Variants in RCC1 observed in about 807,000 individuals in gnomAD.
RCC1 encodes regulator of chromosome condensation 1.
A neutral mutation model predicts 44.4 loss-of-function variants in RCC1; 11 were observed. The ratio of observed to expected loss-of-function variants is 0.25; its 90% confidence interval spans 0.16 to 0.41. RCC1 has a LOEUF of 0.41. RCC1 is among the 10% of genes least tolerant of loss of function. RCC1 has a pLI of 1.00. For missense variants in RCC1, 386 were observed against 547.1 expected, an observed-to-expected ratio of 0.71 and a Z score of 2.94; for synonymous variants, 213 against 216.5, an observed-to-expected ratio of 0.98 and a Z score of 0.14.
chr1:28,517,503 CTG>C (rs1166171677), intron 4 of RCC1, among the ~76,000 whole-genome samples: 2 of 152,170 alleles, frequency 1.3e-5, no homozygotes, highest in Admixed American at 1.3e-4. Flanking sequence ...AAGAAGATGA[CTG>C]GGTGTTCACA....
At chr1:28,523,105 C>A (rs187174144) in intron 4 of RCC1, among the ~76,000 whole-genome samples, 2 of 143,666 alleles carry the variant, frequency 1.4e-5, no homozygotes, top group African/African-American at 5.2e-5. Context: ...GATCTCGACT[C>A]ACTGCAAGCT....
Position 28,536,901 on chromosome 1 carries a change from TGA to T in RCC1, c.1090+4_1090+5del, listed in dbSNP as rs757867844. ...TGGGGTATGCTGTGACCAAGGATGG[TGA>T]GTGGGGCTGCCTACACTCTGTCTAG... On this transcript the variant is annotated splice_donor_region_variant and intron_variant, in intron 12 of 12. Transcript: ENST00000683442. The surrounding 1 kb of genome is among the most constrained non-coding windows in gnomAD (Gnocchi z 4.9). 1 of 1,613,772 alleles carries T rather than the reference TGA, an allele frequency of 6.2e-7. No individual in the cohort carries two copies. Among genetic ancestry groups the T allele is most frequent in the South Asian group, 1.1e-5 (1 of 91,070 alleles).
At chr1:28,534,470 G>A (rs1664418225) in intron 7 of RCC1, among the ~76,000 whole-genome samples, 1 of 151,756 alleles carries the variant, frequency 6.6e-6, no homozygotes, top group South Asian at 2.1e-4. Flanking sequence ...ATGAGCCACC[G>A]CGCCCGGCCT....
chr1:28,523,501 AAC>A (rs1453452128), intron 4 of RCC1, among the ~76,000 whole-genome samples: 1 of 152,130 alleles, frequency 6.6e-6, no homozygotes, highest in African/African-American at 2.4e-5. Flanking sequence ...ATATTAGCCA[AAC>A]ACAACTAAGG....
intron 3 of RCC1, chr1:28,510,843 CCTG>C (rs1359319760): frequency 2.6e-5 from 4 of 152,374 alleles, no homozygotes; most frequent in African/African-American, 9.6e-5. Context: ...CCATCCGTGT[CCTG>C]CTGTAACTAC....
chr1:28,523,222 G>A (rs1317992398), intron 4 of RCC1, among the ~76,000 whole-genome samples: 1 of 151,652 alleles, frequency 6.6e-6, no homozygotes, highest in African/African-American at 2.4e-5. Flanking sequence ...TAGTAGAGAC[G>A]GGGTTTCACC....
Position 28,536,199 on chromosome 1 carries a change from G to A in RCC1, c.818-63G>A. The A allele has an allele frequency of 6.3e-7, 1 of 1,591,786 alleles. No homozygotes were observed. The highest frequency in any genetic ancestry group is 8.6e-7 in the Non-Finnish European group (1 of 1,169,294). ...GATGGGAGGTGGCCTCACTGTGGGAGGAGATTGAGAAGGGCAGCTCTCAGA... is the reference window on the plus strand; with the variant it reads ...GATGGGAGGTGGCCTCACTGTGGGAAGAGATTGAGAAGGGCAGCTCTCAGA... On this transcript the variant is annotated intron_variant, in intron 10 of 12. Transcript: ENST00000683442. The surrounding 1 kb of genome is among the most constrained non-coding windows in gnomAD (Gnocchi z 4.9).
In RCC1 at chr1:28,533,825, T is replaced by TTTTTC. The variant is rs1557879700; in HGVS notation, c.442-1205_442-1201dup. The stretch of plus-strand genomic sequence containing the variant: ...GTAATCAGAATATCAGAATTATATT[T>TTTTTC]TTTTCTTTTCTTTTCTTTTCTTTTT... On this transcript the variant is annotated intron_variant, in intron 7 of 12. Transcript: ENST00000683442. Among the ~76,000 whole-genome samples, 443 of 129,358 alleles carry TTTTTC rather than the reference T, an allele frequency of 3.4e-3. 1 individual carries two copies. The highest frequency in any genetic ancestry group is 7.8e-3 in the African/African-American group (270 of 34,558). The allele number at this position is 129,358 out of a possible 152,430, so 84.9% of individuals were successfully genotyped here.
At chr1:28,530,665 GC>G (rs1664084568) in intron 5 of RCC1, 2 of 1,477,958 alleles carry the variant, frequency 1.4e-6, no homozygotes, top group African/African-American at 2.8e-5. Flanking sequence ...GGGCTCCTCA[GC>G]GGTGGCCACA....
In RCC1 at chr1:28,536,159, G is replaced by A. The variant is rs1014615630; in HGVS notation, c.818-103G>A. ...GCCAGTTTTGTCATCTGTAAAGTGAGAATGTCCATATCCTGATGGGAGGTG... is the reference window on the plus strand; with the variant it reads ...GCCAGTTTTGTCATCTGTAAAGTGAAAATGTCCATATCCTGATGGGAGGTG... On this transcript the variant is annotated intron_variant, in intron 10 of 12. Coordinates refer to ENST00000683442, the MANE Select transcript of RCC1 (RefSeq NM_001381865.2). This position sits in a 1 kb window ranked among gnomAD's most constrained non-coding sequence, Gnocchi z 4.9. The A allele has an allele frequency of 1.9e-6, 3 of 1,548,220 alleles. No homozygotes were observed. The highest frequency in any genetic ancestry group is 2.6e-6 in the Non-Finnish European group (3 of 1,145,084).
At chr1:28,535,829 GTGTC>G in intron 9 of RCC1, 38 bp from the exon 10 acceptor site, 8 of 1,589,458 alleles carry the variant, frequency 5.0e-6, no homozygotes, top group South Asian at 2.3e-5. Flanking sequence ...GAAGCCATGT[GTGTC>G]TGTCTGTCAC....
chr1:28,510,820 T>TGAC (rs1434610544), intron 3 of RCC1: 1 of 152,340 alleles, frequency 6.6e-6, no homozygotes, highest in Non-Finnish European at 1.5e-5. Flanking sequence ...CCCATTCGTC[T>TGAC]GTATGCCCAG....
intron 5 of RCC1, among the ~76,000 whole-genome samples, chr1:28,530,994 C>T (rs536501712): frequency 5.9e-5 from 9 of 152,276 alleles, no homozygotes; most frequent in East Asian, 1.9e-4. Context: ...TAGCTTTCTG[C>T]GGGGCAAGGT....
At chr1:28,537,245 A>G (rs1057334494) in intron 12 of RCC1, among the ~76,000 whole-genome samples, 1 of 152,024 alleles carries the variant, frequency 6.6e-6, no homozygotes, top group Non-Finnish European at 1.5e-5. Context: ...ATCACCTTGT[A>G]TGTTCCCGCT....
At chr1:28,531,260 TTTTTC>T (rs1438413333) in intron 5 of RCC1, among the ~76,000 whole-genome samples, 2 of 85,480 alleles carry the variant, frequency 2.3e-5, no homozygotes, top group African/African-American at 8.6e-5. Flanking sequence ...CTTTCTTTTC[TTTTTC>T]TTTTTTTTTT....
At chr1:28,515,571 GCC>G (rs1557869440) in intron 3 of RCC1, among the ~76,000 whole-genome samples, 1 of 151,210 alleles carries the variant, frequency 6.6e-6, no homozygotes, top group Admixed American at 6.6e-5. Flanking sequence ...ACAAAAATGA[GCC>G]GGGCATGGTG....
In RCC1 at chr1:28,536,259, C is replaced by T; in HGVS notation, c.818-3C>T. 1 of 1,613,824 alleles carries T rather than the reference C, an allele frequency of 6.2e-7. No homozygotes were observed. ...CCCCTGATGGCTCCGGCCTTTCCCC[C>T]AGGAACTCCGGGCACAGAATCTTGC... On this transcript the variant is annotated splice_region_variant and splice_polypyrimidine_tract_variant and intron_variant, in intron 10 of 12. Transcript: ENST00000683442. The surrounding 1 kb of genome is among the most constrained non-coding windows in gnomAD (Gnocchi z 4.9).
At chr1:28,512,426 C>T (rs1474365198) in intron 3 of RCC1, among the ~76,000 whole-genome samples, 1 of 149,500 alleles carries the variant, frequency 6.7e-6, no homozygotes, top group African/African-American at 2.6e-5. Context: ...CATATGTAAA[C>T]TCAGTACTTA....
chr1:28,530,014 C>A, intron 5 of RCC1, 75 bp downstream of exon 5: 1 of 1,160,092 alleles, frequency 8.6e-7, no homozygotes, highest in Non-Finnish European at 1.3e-6. Context: ...GGGCTCCTTT[C>A]TTCCTGAGGC....
Sources: allele counts gnomAD v4.1 joint callset (sites outside exome capture counted in the v4.1 genomes callset), GRCh38; gene constraint gnomAD v4.1.1; non-coding constraint Gnocchi (gnomAD v3.1); transcripts MANE v1.5; gene names NCBI Gene and HGNC (gene_info 2026-07-23, HGNC 2026-07-21).